The following EDA variants were observed in gnomAD, a reference collection of about 807,000 sequenced individuals.
The protein encoded by EDA is ectodysplasin A.
Under a neutral mutation model 23.6 loss-of-function variants are expected in EDA, and 2 were observed. That is an observed-to-expected ratio of 0.08 (90% confidence interval 0.03 to 0.27). The LOEUF is 0.27. Among genes scored for constraint, EDA ranks in the 10% least tolerant of loss-of-function variants. The pLI, the probability that EDA is intolerant of heterozygous loss-of-function variation, is 1.00. For missense variants in EDA, 229 were observed against 324.2 expected (o/e 0.71, Z 2.26); for synonymous variants, 131 against 132.0 (o/e 0.99, Z 0.05).
chrX:69,910,187 G>A (rs2018238657), intron 1 of EDA, among the ~76,000 whole-genome samples: 1 of 109,225 alleles, frequency 9.2e-6, no homozygotes, highest in South Asian at 3.9e-4. Context: ...TAGAAACAAG[G>A]TCTTGCTACG....
chrX:69,853,808 C>A lies in EDA; in HGVS notation c.397-103219C>A, dbSNP rs1345495212. 2.0e-4 allele frequency among the ~76,000 whole-genome samples: 22 copies of A among 111,536 alleles called. No individual in the cohort carries two copies. The Admixed American group carries it at 2.1e-3, about 11-fold the overall frequency. ...GCAATAATAATTATTTTAGGCTTTG[C>A]GGGCCATGTACAGTCTTTGTTGCAT... On this transcript the variant is annotated intron_variant, in intron 1 of 7. Coordinates refer to ENST00000374552, the MANE Select transcript of EDA (RefSeq NM_001399.5).
At chrX:69,741,093 G>A (rs1306679115) in intron 1 of EDA, among the ~76,000 whole-genome samples, 1 of 109,578 alleles carries the variant, frequency 9.1e-6, no homozygotes, top group Non-Finnish European at 1.9e-5. Flanking sequence ...TGTTATCATA[G>A]CTTCCTTTAC....
intron 3 of EDA, among the ~76,000 whole-genome samples, chrX:70,023,948 C>T (rs2020075823): frequency 8.9e-6 from 1 of 111,955 alleles, no homozygotes; most frequent in Admixed American, 9.5e-5. Context: ...TGCAATGAAA[C>T]TGGCCCTAGG....
chrX:69,745,475 C>G (rs1569315979), intron 1 of EDA, among the ~76,000 whole-genome samples: 1 of 110,898 alleles, frequency 9.0e-6, no homozygotes, highest in African/African-American at 3.3e-5. Context: ...TCAGCTGTCA[C>G]AAAAAAACAA....
At chrX:69,827,845 T>C (rs1003151218) in intron 1 of EDA, among the ~76,000 whole-genome samples, 1 of 111,658 alleles carries the variant, frequency 9.0e-6, no homozygotes, top group South Asian at 3.8e-4. Flanking sequence ...CTACTTTTGG[T>C]CTTTGATGAT....
At chrX:69,672,881 C>CA (rs746423731) in intron 1 of EDA, among the ~76,000 whole-genome samples, 2,394 of 70,523 alleles carry the variant, frequency 0.034, 66 homozygotes, top group African/African-American at 0.11. Flanking sequence ...GACAACGTCT[C>CA]AAAAAAAAAA....
At chrX:69,856,632 T>C (rs960048267) in intron 1 of EDA, among the ~76,000 whole-genome samples, 2 of 111,738 alleles carry the variant, frequency 1.8e-5, no homozygotes, top group African/African-American at 6.5e-5. Flanking sequence ...TGAGCATTTT[T>C]CATATGTTTG....
intron 1 of EDA, among the ~76,000 whole-genome samples, chrX:69,923,006 G>A (rs1212815010): frequency 9.0e-6 from 1 of 111,597 alleles, no homozygotes; most frequent in Non-Finnish European, 1.9e-5. Flanking sequence ...GGAAACAGCA[G>A]TAAGGAGGAC....
intron 2 of EDA, among the ~76,000 whole-genome samples, chrX:69,968,558 G>A (rs2019206741): frequency 9.0e-6 from 1 of 111,677 alleles, no homozygotes; most frequent in African/African-American, 3.3e-5. Flanking sequence ...TTAATAAGTG[G>A]CCTTTCAATC....
intron 1 of EDA, among the ~76,000 whole-genome samples, chrX:69,751,399 C>T (rs1336993373): frequency 5.3e-5 from 6 of 112,332 alleles, no homozygotes; most frequent in African/African-American, 1.9e-4. Context: ...TGTTTTGGTA[C>T]CAGTACCATG....
At chrX:69,849,922 T>C (rs1336559933) in intron 1 of EDA, among the ~76,000 whole-genome samples, 1 of 112,010 alleles carries the variant, frequency 8.9e-6, no homozygotes, top group African/African-American at 3.2e-5. Context: ...ATCAATATTA[T>C]ACAAAGGCAG....
intron 1 of EDA, among the ~76,000 whole-genome samples, chrX:69,638,060 T>C (rs972090344): frequency 1.8e-5 from 2 of 111,699 alleles, no homozygotes; most frequent in Non-Finnish European, 3.8e-5. Flanking sequence ...ACCTATCATA[T>C]AGTATTTCAC....
At chrX:69,941,131 G>A (rs973368898) in intron 1 of EDA, among the ~76,000 whole-genome samples, 6 of 111,970 alleles carry the variant, frequency 5.4e-5, no homozygotes, top group African/African-American at 1.9e-4. Flanking sequence ...GGTCAGGGAA[G>A]ATACTTGATA....
At position 69,656,357 on chromosome X, in the gene EDA, T is replaced by G. The variant is rs183968062; in HGVS notation, c.396+39653T>G. ...ACTCCTTTTCTCTCCCTCACTTCTT[T>G]TTATTCACTTGGCAAAGTCAAAATC... On this transcript the variant is annotated intron_variant, in intron 1 of 7. Coordinates refer to ENST00000374552, the MANE Select transcript of EDA (RefSeq NM_001399.5). Among the ~76,000 whole-genome samples, 140 of 111,751 alleles carry G rather than the reference T, an allele frequency of 1.3e-3. 1 individual carries two copies. The highest frequency in any genetic ancestry group is 0.013 in the Admixed American group (131 of 10,470).
At chrX:69,754,088 A>T (rs1475340531) in intron 1 of EDA, among the ~76,000 whole-genome samples, 1 of 111,488 alleles carries the variant, frequency 9.0e-6, no homozygotes, top group East Asian at 2.8e-4. Context: ...TAATATTGTT[A>T]TGTGTGAATT....
chrX:69,817,604 A>G (rs2016112574), intron 1 of EDA, among the ~76,000 whole-genome samples: 1 of 112,640 alleles, frequency 8.9e-6, no homozygotes, highest in Non-Finnish European at 1.9e-5. Context: ...AAACCAACCA[A>G]GATTTTAAAA....
intron 1 of EDA, among the ~76,000 whole-genome samples, chrX:69,946,253 G>T (rs2018832067): frequency 9.0e-6 from 1 of 111,258 alleles, no homozygotes; most frequent in Non-Finnish European, 1.9e-5. Flanking sequence ...ACTCTTCTTT[G>T]AATTCAATCT....
intron 1 of EDA, among the ~76,000 whole-genome samples, chrX:69,719,929 T>G (rs2012515052): frequency 9.1e-6 from 1 of 110,134 alleles, no homozygotes; most frequent in Admixed American, 9.7e-5. Flanking sequence ...TTTGTATTTT[T>G]AGTAGGGATG....
At position 69,704,880 on chromosome X, in the gene EDA, A is replaced by G. The variant is rs772140814; in HGVS notation, c.396+88176A>G. Among the ~76,000 whole-genome samples the G allele has an allele frequency of 1.8e-5, 2 of 111,021 alleles. 1 individual carries two copies. Among genetic ancestry groups the G allele is most frequent in the Middle Eastern group, 9.3e-3 (2 of 214 alleles). Reference sequence around the variant, plus strand: ...ACCACCCTAAAATATGTATATCGGTATACATATTTTTGTTATGTTGATGAC... The same window carrying G: ...ACCACCCTAAAATATGTATATCGGTGTACATATTTTTGTTATGTTGATGAC... On this transcript the variant is annotated intron_variant, in intron 1 of 7. Coordinates refer to ENST00000374552, the MANE Select transcript of EDA (RefSeq NM_001399.5).
Sources: gnomAD v4.1 joint callset for allele counts (sites outside exome capture counted in the v4.1 genomes callset) on GRCh38, gnomAD v4.1.1 for gene constraint, MANE v1.5 for transcripts, NCBI Gene and HGNC (gene_info 2026-07-23, HGNC 2026-07-21) for gene names.